MIA2: variants seen among roughly 807,000 people sequenced by gnomAD.
MIA2 encodes MIA SH3 domain ER export factor 2, also known as melanoma inhibitory activity protein 2.
A neutral mutation model predicts 167.8 loss-of-function variants in MIA2; 127 were observed. The observed-to-expected ratio is 0.76, with a 90% CI of 0.66 to 0.88. The LOEUF (loss-of-function observed/expected upper bound fraction) is 0.88, where lower values mean the gene tolerates loss of function less well. MIA2 is among the 40% of genes least tolerant of loss of function. MIA2 has a pLI of 0.00. For synonymous variants in MIA2, 552 were observed against 541.9 expected (o/e 1.02, Z -0.26); for missense variants, 1,690 against 1,624.7 (o/e 1.04, Z -0.69).
At position 39,350,083 on chromosome 14, in the gene MIA2, A is replaced by C. The variant is rs1439703103; in HGVS notation, c.4073-15A>C. On this transcript the variant is annotated splice_polypyrimidine_tract_variant and intron_variant, in intron 28 of 28. Coordinates refer to ENST00000640607, the MANE Select transcript of MIA2 (RefSeq NM_001329214.4). ...TTAAAGTTAAAAAATGTCTTTTACC[A>C]ATCTCTTTGAACAGTGAGAAATGTC... The C allele has an allele frequency of 2.7e-6, 3 of 1,101,254 alleles. No homozygotes were observed. In the South Asian group the frequency reaches 4.6e-5, roughly 17 times the overall value. 68.2% of individuals were successfully genotyped at this position (1,101,254 alleles called of 1,614,324 possible). A position where few individuals can be genotyped will look rare whatever the true frequency, so the allele number is the denominator to read the frequency against.
rs545509843 is a variant in MIA2 at position 39,375,589 on chromosome 14, C to G, written c.2249-11296C>G. Among the ~76,000 whole-genome samples the G allele has an allele frequency of 2.7e-4, 41 of 152,250 alleles. 1 individual carries two copies. The highest frequency in any genetic ancestry group is 7.7e-4 in the East Asian group (4 of 5,176). ...GCGCATGTCTGTAATCCCAGCTACT[C>G]AGGAGGCCAAGGCAAGAGAATTGCT... On this transcript the variant is annotated intron_variant, in intron 23 of 23. Transcript: ENST00000341502.
intron 25 of MIA2, among the ~76,000 whole-genome samples, chr14:39,334,944 C>G (rs938313447): frequency 2.0e-5 from 3 of 152,036 alleles, no homozygotes; most frequent in Admixed American, 6.6e-5. Context: ...TCATGGTTTT[C>G]TCTCTTTCAA....
chr14:39,312,946 A>T (rs1405697882), intron 18 of MIA2, among the ~76,000 whole-genome samples: 1 of 152,034 alleles, frequency 6.6e-6, no homozygotes, highest in East Asian at 1.9e-4. Flanking sequence ...ATCACTAACC[A>T]ATATAAAAAT....
intron 23 of MIA2, among the ~76,000 whole-genome samples, chr14:39,360,505 T>G: frequency 6.6e-6 from 1 of 152,212 alleles, no homozygotes; most frequent in African/African-American, 2.4e-5. Flanking sequence ...TTTTGTTCTT[T>G]TAACCATTGA....
intron 23 of MIA2, chr14:39,386,677 CATTATT>C (rs2075277167): frequency 1.8e-6 from 2 of 1,126,268 alleles, no homozygotes; most frequent in African/African-American, 3.1e-5. Flanking sequence ...AAGACCTTCT[CATTATT>C]GTTATTGTTT....
At chr14:39,262,976 C>T (rs939751666) in intron 6 of MIA2, among the ~76,000 whole-genome samples, 1 of 152,206 alleles carries the variant, frequency 6.6e-6, no homozygotes. Flanking sequence ...GGCAATTTGA[C>T]TCCCTCTTTT....
chr14:39,312,437 A>G (rs2064489418), intron 18 of MIA2, among the ~76,000 whole-genome samples: 1 of 152,214 alleles, frequency 6.6e-6, no homozygotes. Context: ...AGAATACAAA[A>G]TATTTACTGC....
intron 9 of MIA2, among the ~76,000 whole-genome samples, chr14:39,285,929 C>T (rs550241789): frequency 6.6e-5 from 10 of 151,742 alleles, no homozygotes; most frequent in Admixed American, 1.3e-4. Flanking sequence ...GACGGGATGG[C>T]GGCCGGGAAG....
At chr14:39,343,336 G>T (rs1180566132) in intron 25 of MIA2, among the ~76,000 whole-genome samples, 1 of 152,054 alleles carries the variant, frequency 6.6e-6, no homozygotes, top group Non-Finnish European at 1.5e-5. Context: ...CAGTAGAGAT[G>T]GGATTTCACC....
intron 23 of MIA2, among the ~76,000 whole-genome samples, chr14:39,358,285 C>A (rs763000667): frequency 2.6e-5 from 4 of 152,122 alleles, no homozygotes; most frequent in African/African-American, 9.7e-5. Flanking sequence ...CTTTTCTTCT[C>A]GCTTCATTTC....
At chr14:39,361,480 C>T (rs2139282413) in intron 23 of MIA2, among the ~76,000 whole-genome samples, 2 of 151,068 alleles carry the variant, frequency 1.3e-5, no homozygotes, top group Middle Eastern at 6.8e-3. Context: ...CTCTTGTTGC[C>T]CAAGCTGGAG....
chr14:39,266,330 T>C, intron 6 of MIA2: 1 of 985,408 alleles, frequency 1.0e-6, no homozygotes, highest in Non-Finnish European at 1.2e-6. Context: ...AATCCAGCAC[T>C]TGGCACTTTA....
At chr14:39,274,431 CTT>C (rs547198743) in intron 6 of MIA2, among the ~76,000 whole-genome samples, 19 of 136,894 alleles carry the variant, frequency 1.4e-4, no homozygotes, top group Admixed American at 2.2e-4. Flanking sequence ...TTCTTTTTTT[CTT>C]TTTTTTTTTT....
chr14:39,330,760 G>A (rs1250857755), intron 25 of MIA2, among the ~76,000 whole-genome samples: 3 of 152,150 alleles, frequency 2.0e-5, no homozygotes, highest in Non-Finnish European at 2.9e-5. Context: ...CAGTTTCCAT[G>A]TAGCTGTGCG....
At chr14:39,258,775 G>C (rs2054934605) in intron 6 of MIA2, among the ~76,000 whole-genome samples, 1 of 152,084 alleles carries the variant, frequency 6.6e-6, no homozygotes. Flanking sequence ...TTTTTGTGTG[G>C]GGGTCCTTTA....
rs4393482 is a variant in MIA2 at position 39,349,228 on chromosome 14, G to A, written c.4072+251G>A. On this transcript the variant is annotated intron_variant, in intron 28 of 28. Transcript: ENST00000640607. Reference sequence around the variant, plus strand: ...GTATTTTGGCAGTCAAGAAAATAATGGACTTTTTGCAGGTCTTACGATAAA... The same window carrying A: ...GTATTTTGGCAGTCAAGAAAATAATAGACTTTTTGCAGGTCTTACGATAAA... 1.1e-4 allele frequency among the ~76,000 whole-genome samples: 16 copies of A among 152,102 alleles called. 1 individual carries two copies. In the East Asian group the frequency reaches 2.1e-3, roughly 20 times the overall value.
At position 39,247,333 on chromosome 14, in the gene MIA2, T is replaced by A. The variant is rs144276859; in HGVS notation, c.759T>A (p.Ser253Arg). ...CTGTACAAGAAAGCTCATTTCGGAG[T>A]AGAAAAATAGCAGTGGAAGATGAGA... is the stretch of plus-strand genomic sequence containing the variant. ...IEPVQESSFR[S>R]RKIAVEDEND... The change falls in exon 4 of 29, where the codon AGT becomes AGA. Residue 253 changes from serine to arginine, a missense_variant. Physicochemically the swap from Ser to Arg is moderately radical, Grantham distance 110 (BLOSUM62 -1). Coordinates refer to ENST00000640607, the MANE Select transcript of MIA2 (RefSeq NM_001329214.4). 145 of 1,613,724 alleles carry A rather than the reference T, an allele frequency of 9.0e-5. No homozygotes were observed. The highest frequency in any genetic ancestry group is 1.2e-4 in the Non-Finnish European group (144 of 1,179,966).
At chr14:39,364,809 G>C (rs1268179915) in intron 23 of MIA2, among the ~76,000 whole-genome samples, 1 of 151,708 alleles carries the variant, frequency 6.6e-6, no homozygotes, top group Admixed American at 6.6e-5. Context: ...TTTCTGCTGA[G>C]AAATCTGTGG....
intron 27 of MIA2, 100 bp downstream of exon 27, chr14:39,347,871 G>C (rs1242269776): frequency 8.7e-7 from 1 of 1,143,480 alleles, no homozygotes; most frequent in Admixed American, 2.8e-5. Flanking sequence ...GCCCAAGCTG[G>C]AGTGCAGTGG....
Sources: allele counts gnomAD v4.1 joint callset (sites outside exome capture counted in the v4.1 genomes callset), GRCh38; gene constraint gnomAD v4.1.1; transcripts MANE v1.5; gene names NCBI Gene and HGNC (gene_info 2026-07-23, HGNC 2026-07-21).